TEAD4: variants seen among roughly 807,000 people sequenced by gnomAD.
TEAD4 encodes the protein TEA domain transcription factor 4.
TEAD4 carries 36 observed loss-of-function variants against 52.4 expected under a neutral mutation model. The ratio of observed to expected loss-of-function variants is 0.69; its 90% confidence interval spans 0.53 to 0.91. TEAD4 has a LOEUF of 0.91. TEAD4 is among the 40% of genes least tolerant of loss of function. TEAD4 has a pLI of 0.00. For synonymous variants in TEAD4, 220 were observed against 231.0 expected, an observed-to-expected ratio of 0.95 and a Z score of 0.43; for missense variants, 508 against 583.9, an observed-to-expected ratio of 0.87 and a Z score of 1.34.
At chr12:2,985,709 T>G (rs1324984801) in intron 2 of TEAD4, among the ~76,000 whole-genome samples, 1 of 151,880 alleles carries the variant, frequency 6.6e-6, no homozygotes, top group East Asian at 2.0e-4. Flanking sequence ...TTTCAGCATA[T>G]TGGCCAGGGT....
At chr12:2,960,344 A>G in intron 2 of TEAD4, 1 of 985,556 alleles carries the variant, frequency 1.0e-6, no homozygotes, top group Non-Finnish European at 1.2e-6. Context: ...TGGAAGGGAG[A>G]GACCTGGAGG....
chr12:2,995,402 C>T (rs1040515609), intron 3 of TEAD4, among the ~76,000 whole-genome samples: 10 of 152,182 alleles, frequency 6.6e-5, no homozygotes, highest in African/African-American at 2.4e-4. Context: ...GCCGAGCCTT[C>T]TGTGTGCCTG....
intron 10 of TEAD4, among the ~76,000 whole-genome samples, chr12:3,027,055 T>C (rs1012901230): frequency 1.3e-5 from 2 of 151,948 alleles, no homozygotes; most frequent in South Asian, 2.1e-4. Context: ...TGCAGTGGTG[T>C]GATCTCGGCT....
At chr12:3,016,234 C>T (rs780040219) in intron 5 of TEAD4, among the ~76,000 whole-genome samples, 3 of 152,030 alleles carry the variant, frequency 2.0e-5, no homozygotes, top group Non-Finnish European at 2.9e-5. Flanking sequence ...CACCAAGTTG[C>T]CCAGGCTGGC....
chr12:2,989,289 T>G (rs977898422), intron 2 of TEAD4, among the ~76,000 whole-genome samples: 39 of 152,200 alleles, frequency 2.6e-4, no homozygotes, highest in African/African-American at 8.7e-4. Context: ...TCTATTATTT[T>G]TGTCTAAAAA....
At position 2,974,757 on chromosome 12, in the gene TEAD4, C is replaced by T. The variant is rs1012900398; in HGVS notation, c.-30+14717C>T. Among the ~76,000 whole-genome samples the T allele has an allele frequency of 2.0e-5, 3 of 152,270 alleles. No individual in the cohort carries two copies. The South Asian group carries it at 6.2e-4, about 32-fold the overall frequency. The stretch of plus-strand genomic sequence containing the variant: ...CGAGGCCCCACCCCAGATGCCCGTG[C>T]TGCTTGGACACCTGGTTTGGGCTGA... On this transcript the variant is annotated intron_variant, in intron 2 of 12. Coordinates refer to ENST00000359864, the MANE Select transcript of TEAD4 (RefSeq NM_003213.4).
chr12:3,018,765 C>A (rs1408941257), intron 7 of TEAD4, among the ~76,000 whole-genome samples, 177 bp downstream of exon 7: 1 of 152,042 alleles, frequency 6.6e-6, no homozygotes, highest in African/African-American at 2.4e-5. Flanking sequence ...TCACTGGGCT[C>A]ATCTGTGATG....
intron 2 of TEAD4, among the ~76,000 whole-genome samples, chr12:2,980,014 T>C (rs961887598): frequency 6.6e-6 from 1 of 152,134 alleles, no homozygotes; most frequent in Non-Finnish European, 1.5e-5. Flanking sequence ...CCCTCTCCTG[T>C]GCTCACTGAG....
intron 2 of TEAD4, among the ~76,000 whole-genome samples, chr12:2,973,075 TCA>T (rs964361260): frequency 6.6e-6 from 1 of 151,194 alleles, no homozygotes; most frequent in African/African-American, 2.5e-5. Context: ...CAAGAATGTC[TCA>T]CAAATGGAAT....
chr12:3,011,986 C>T (rs954763811), intron 4 of TEAD4, among the ~76,000 whole-genome samples, 184 bp from the exon 5 acceptor site: 1 of 152,198 alleles, frequency 6.6e-6, no homozygotes. Flanking sequence ...TTTTGAAATA[C>T]TGCCGGTTTC....
At position 3,004,785 on chromosome 12, in the gene TEAD4, G is replaced by A. The variant is rs1012971077; in HGVS notation, c.227-6219G>A. ...GATTTTCACAGGAGTGACAGGCCACGGCAGCTCCCTCTGTGTGTAAAGCCT... is the reference window on the plus strand; with the variant it reads ...GATTTTCACAGGAGTGACAGGCCACAGCAGCTCCCTCTGTGTGTAAAGCCT... On this transcript the variant is annotated intron_variant, in intron 3 of 12. Transcript: ENST00000359864. 3.3e-5 allele frequency among the ~76,000 whole-genome samples: 5 copies of A among 152,302 alleles called. No individual in the cohort carries two copies. The East Asian group carries it at 5.8e-4, about 18-fold the overall frequency.
At chr12:2,971,506 C>T (rs535960465) in intron 2 of TEAD4, among the ~76,000 whole-genome samples, 15 of 151,796 alleles carry the variant, frequency 9.9e-5, no homozygotes, top group African/African-American at 2.7e-4. Context: ...GACAGAGTCT[C>T]GCTCTGTCGC....
intron 6 of TEAD4, among the ~76,000 whole-genome samples, chr12:3,018,204 TGTGA>T (rs2098265983): frequency 6.6e-6 from 1 of 152,228 alleles, no homozygotes; most frequent in South Asian, 2.1e-4. Flanking sequence ...ACAGTGGTTC[TGTGA>T]GTAAGTTTGG....
At chr12:2,995,099 C>CT (rs35919436) in intron 3 of TEAD4, 107 bp downstream of exon 3, 1 of 1,378,962 alleles carries the variant, frequency 7.3e-7, no homozygotes, top group Non-Finnish European at 9.7e-7. Context: ...CCACTTGGGG[C>CT]TTTGTCGGGT....
intron 10 of TEAD4, among the ~76,000 whole-genome samples, chr12:3,037,716 G>T (rs1326776366): frequency 6.6e-6 from 1 of 152,142 alleles, no homozygotes; most frequent in East Asian, 1.9e-4. Flanking sequence ...TTAATATCTG[G>T]GCAGGCAGCA....
chr12:2,991,029 A>G (rs377010458), intron 2 of TEAD4, among the ~76,000 whole-genome samples: 39 of 152,120 alleles, frequency 2.6e-4, no homozygotes, highest in African/African-American at 9.4e-4. Context: ...TAAATACATA[A>G]TCTCTACAGT....
intron 10 of TEAD4, among the ~76,000 whole-genome samples, chr12:3,030,700 G>T (rs2098274945): frequency 6.6e-6 from 1 of 152,166 alleles, no homozygotes; most frequent in South Asian, 2.1e-4. Flanking sequence ...GGGGTAGTCA[G>T]TCTCCCACCT....
At chr12:3,021,500 T>A (rs1317428684) in intron 9 of TEAD4, among the ~76,000 whole-genome samples, 1 of 151,870 alleles carries the variant, frequency 6.6e-6, no homozygotes, top group African/African-American at 2.4e-5. Context: ...TAGTAGAGAC[T>A]GGGTTTCACC....
intron 6 of TEAD4, among the ~76,000 whole-genome samples, chr12:3,018,115 G>T (rs2098265909): frequency 6.6e-6 from 1 of 152,242 alleles, no homozygotes; most frequent in South Asian, 2.1e-4. Flanking sequence ...ACGTGGGGAA[G>T]GGGCAGTGCC....
Sources: gnomAD v4.1 joint callset for allele counts (sites outside exome capture counted in the v4.1 genomes callset) on GRCh38, gnomAD v4.1.1 for gene constraint, MANE v1.5 for transcripts, NCBI Gene and HGNC (gene_info 2026-07-23, HGNC 2026-07-21) for gene names.